The following MSN variants were observed in gnomAD, a reference collection of about 807,000 sequenced individuals.
MSN encodes epididymis luminal protein 70.
MSN carries 2 observed loss-of-function variants against 48.0 expected under a neutral mutation model. The observed-to-expected ratio is 0.04, with a 90% CI of 0.02 to 0.13. The LOEUF (loss-of-function observed/expected upper bound fraction) is 0.13, where lower values mean the gene tolerates loss of function less well. Among genes scored for constraint, MSN ranks in the 10% least tolerant of loss-of-function variants. MSN has a pLI of 1.00. For synonymous variants in MSN, 146 were observed against 166.9 expected (o/e 0.87, Z 0.97); for missense variants, 267 against 470.1 (o/e 0.57, Z 3.99).
intron 1 of MSN, among the ~76,000 whole-genome samples, chrX:65,629,554 T>C (rs1288568813): frequency 9.0e-6 from 1 of 111,450 alleles, no homozygotes; most frequent in African/African-American, 3.3e-5. Context: ...TACCCGAGAC[T>C]GGGAAGAGAA....
intron 1 of MSN, among the ~76,000 whole-genome samples, chrX:65,617,749 C>G (rs1602722699): frequency 9.8e-6 from 1 of 101,732 alleles, no homozygotes; most frequent in South Asian, 4.6e-4. Flanking sequence ...CTTCTGCTAG[C>G]TTTTGAATGT....
chrX:65,641,791 A>G (rs2070656407), intron 1 of MSN, among the ~76,000 whole-genome samples: 1 of 106,609 alleles, frequency 9.4e-6, no homozygotes, highest in Non-Finnish European at 1.9e-5. Context: ...GTAGAAATAT[A>G]TGCCTAAGGT....
At chrX:65,693,707 A>T (rs1258885535) in intron 1 of MSN, among the ~76,000 whole-genome samples, 1 of 111,923 alleles carries the variant, frequency 8.9e-6, no homozygotes, top group Admixed American at 9.5e-5. Flanking sequence ...TTGCTGCATG[A>T]CTTTGGGTAA....
chrX:65,683,122 C>G (rs1028126438), intron 1 of MSN, among the ~76,000 whole-genome samples: 16 of 112,663 alleles, frequency 1.4e-4, no homozygotes, highest in African/African-American at 5.2e-4. Context: ...CAAAGTTTGG[C>G]TGTACAGTAC....
intron 1 of MSN, among the ~76,000 whole-genome samples, chrX:65,660,154 G>A (rs908838051): frequency 4.5e-5 from 5 of 112,036 alleles, no homozygotes; most frequent in African/African-American, 1.6e-4. Context: ...TTCATGTCTA[G>A]CCCCTAAACA....
rs1408597690 is a variant in MSN, at chrX:65,614,837, G to A, written c.-22+26225G>A. ...TCATCTAGCATTAGGTATATCTCCC[G>A]ATGCTATCCCTCCCCCCTCCCCCCA... On this transcript the variant is annotated intron_variant, in intron 1 of 3. Coordinates refer to the MSN transcript ENST00000609672. Among the ~76,000 whole-genome samples the A allele has an allele frequency of 2.1e-3, 177 of 84,554 alleles. 5 individuals are homozygous for A. Among genetic ancestry groups the A allele is most frequent in the East Asian group, 0.016 (40 of 2,469 alleles). 73.4% of individuals were successfully genotyped at this position (84,554 alleles called of 115,157 possible).
chrX:65,732,038 A>T (rs1266813315), intron 6 of MSN, 54 bp downstream of exon 6: 2 of 1,132,006 alleles, frequency 1.8e-6, no homozygotes, highest in Admixed American at 4.8e-5. Flanking sequence ...TCTAGGGCTC[A>T]CTTTTCACCA....
chrX:65,667,368 C>G (rs2070881459), upstream of MSN, among the ~76,000 whole-genome samples: 1 of 107,082 alleles, frequency 9.3e-6, no homozygotes, highest in Admixed American at 9.8e-5. Context: ...GGCCCAGGGT[C>G]TGGGCCCTGA....
At chrX:65,732,091 T>C in intron 6 of MSN, 107 bp downstream of exon 6, 6 of 887,922 alleles carry the variant, frequency 6.8e-6, no homozygotes. Context: ...CAGTTCTTTT[T>C]CTACCTAATT....
chrX:65,598,831 G>A (rs2070207392), intron 1 of MSN, among the ~76,000 whole-genome samples: 1 of 112,195 alleles, frequency 8.9e-6, no homozygotes, highest in African/African-American at 3.2e-5. Context: ...TCCCCCATCA[G>A]CTTTCCTCTG....
At chrX:65,617,583 TG>T (rs1219858920) in intron 1 of MSN, among the ~76,000 whole-genome samples, 1 of 105,375 alleles carries the variant, frequency 9.5e-6, no homozygotes, top group Non-Finnish European at 1.9e-5. Flanking sequence ...TGCGTCTATT[TG>T]ATTCTTCTCT....
chrX:65,663,810 G>A (rs113910649), upstream of MSN, among the ~76,000 whole-genome samples: 1,795 of 110,812 alleles, frequency 0.016, 47 homozygotes, highest in African/African-American at 0.056. Flanking sequence ...TATAATCCCA[G>A]CACTTTGGGA....
At chrX:65,636,793 AAAG>A (rs995428718) in intron 1 of MSN, among the ~76,000 whole-genome samples, 3 of 104,628 alleles carry the variant, frequency 2.9e-5, no homozygotes, top group African/African-American at 1.0e-4. Context: ...AAAGAAAAGA[AAAG>A]AAGGGCCAGG....
rs1312076422 is a variant in MSN at position 65,737,161 on chromosome X, C to T, written c.1091-17C>T. Reference sequence around the variant, plus strand: ...CTCTGTGCTCTTCACTGCCTTCTCCCCTCCTTTTCTGCTCAGAACTGGAAG... The same window carrying T: ...CTCTGTGCTCTTCACTGCCTTCTCCTCTCCTTTTCTGCTCAGAACTGGAAG... On this transcript the variant is annotated splice_polypyrimidine_tract_variant and intron_variant, in intron 9 of 12. Transcript: ENST00000360270. 8.4e-7 allele frequency: 1 copy of T among 1,197,482 alleles called. No individual in the cohort carries two copies. The highest frequency in any genetic ancestry group is 1.8e-5 in the South Asian group (1 of 54,876).
chrX:65,704,830 C>T (rs968213318), intron 1 of MSN, among the ~76,000 whole-genome samples: 8 of 103,778 alleles, frequency 7.7e-5, no homozygotes, highest in Non-Finnish European at 1.4e-4. Flanking sequence ...AGTGCAGTGG[C>T]GCAATCTTGG....
At chrX:65,612,543 T>C (rs539768054) in intron 1 of MSN, among the ~76,000 whole-genome samples, 1 of 73,603 alleles carries the variant, frequency 1.4e-5, no homozygotes, top group South Asian at 8.8e-4. Context: ...CTTTTCTGTT[T>C]CTTCGTAATG....
chrX:65,696,662 G>C (rs762376359), intron 1 of MSN, among the ~76,000 whole-genome samples: 79 of 111,260 alleles, frequency 7.1e-4, no homozygotes, highest in Non-Finnish European at 9.4e-4. Context: ...GGGGTGTGAA[G>C]GTTATATGTT....
intron 1 of MSN, among the ~76,000 whole-genome samples, chrX:65,624,332 C>G (rs750421667): frequency 9.0e-6 from 1 of 110,541 alleles, no homozygotes; most frequent in South Asian, 3.8e-4. Context: ...CCTGCCTTGG[C>G]CTCCCAAAGT....
chrX:65,600,559 C>T (rs925648717), intron 1 of MSN: 1 of 112,132 alleles, frequency 8.9e-6, no homozygotes, highest in Non-Finnish European at 1.9e-5. Flanking sequence ...TGTGGCATAG[C>T]TACAGCTTGA....
Sources: gnomAD v4.1 joint callset for allele counts (sites outside exome capture counted in the v4.1 genomes callset) on GRCh38, gnomAD v4.1.1 for gene constraint, MANE v1.5 for transcripts, NCBI Gene and HGNC (gene_info 2026-07-23, HGNC 2026-07-21) for gene names.